Variants in MOGAT1 observed in about 807,000 individuals in gnomAD.
MOGAT1 encodes monoacylglycerol O-acyltransferase 1, also known as 2-acylglycerol O-acyltransferase 1.
Under a neutral mutation model 31.4 loss-of-function variants are expected in MOGAT1, and 32 were observed. The ratio of observed to expected loss-of-function variants is 1.02; its 90% CI spans 0.77 to 1.37. The LOEUF (loss-of-function observed/expected upper bound fraction) is 1.37, where lower values mean the gene tolerates loss of function less well. Among genes scored for constraint, MOGAT1 ranks in the 40% most tolerant of loss-of-function variants. The pLI, the probability that MOGAT1 is intolerant of heterozygous loss-of-function variation, is 0.00. For synonymous variants in MOGAT1, 145 were observed against 144.5 expected, an observed-to-expected ratio of 1.00 and a Z score of -0.03; for missense variants, 426 against 402.0, an observed-to-expected ratio of 1.06 and a Z score of -0.51.
intron 3 of MOGAT1, among the ~76,000 whole-genome samples, chr2:222,689,980 C>A (rs968846745): frequency 6.6e-6 from 1 of 152,222 alleles, no homozygotes; most frequent in African/African-American, 2.4e-5. Context: ...CCAGGCCGGG[C>A]GCGGTGGCTC....
At chr2:222,694,635 C>T in intron 4 of MOGAT1, 99 bp downstream of exon 4, 1 of 1,165,992 alleles carries the variant, frequency 8.6e-7, no homozygotes, top group Non-Finnish European at 1.2e-6. Context: ...TTAAAGACCT[C>T]CTCCAAATCG....
chr2:222,685,595 C>T (rs1013646211), intron 1 of MOGAT1, among the ~76,000 whole-genome samples: 2 of 134,954 alleles, frequency 1.5e-5, no homozygotes, highest in African/African-American at 5.9e-5. Context: ...TTTTCTTCTT[C>T]TTCTTTTTTT....
At chr2:222,675,511 A>C (rs951391038) in intron 1 of MOGAT1, among the ~76,000 whole-genome samples, 1 of 135,614 alleles carries the variant, frequency 7.4e-6, no homozygotes, top group Non-Finnish European at 1.5e-5. Flanking sequence ...ACGGAGTCTC[A>C]CTCTGTCGCC....
At position 222,688,428 on chromosome 2, in the gene MOGAT1, T is replaced by G; in HGVS notation, c.179T>G (p.Phe60Cys). Residue 60 changes from phenylalanine (F) to cysteine (C), a missense_variant, in exon 2 of 6, where the codon TTT (phenylalanine) becomes TGT (cysteine). Transcript: ENST00000446656. ...ATCCCTTATTTGATGTGGCTTTACT[T>G]TGACTGGCATACCCCAGAGCGAGGA... ...LYIPYLMWLY[F>C]DWHTPERGGR... The G allele has an allele frequency of 6.2e-7, 1 of 1,613,782 alleles. No homozygotes were observed. The highest frequency in any genetic ancestry group is 8.5e-7 in the Non-Finnish European group (1 of 1,179,796).
At chr2:222,696,051 T>C (rs80121005) in intron 5 of MOGAT1, among the ~76,000 whole-genome samples, 2 of 152,256 alleles carry the variant, frequency 1.3e-5, no homozygotes, top group Non-Finnish European at 2.9e-5. Context: ...TCACTTAGAA[T>C]AATGGTTTCC....
At chr2:222,689,110 T>C (rs755796747) in intron 2 of MOGAT1, among the ~76,000 whole-genome samples, 155 bp from the exon 3 acceptor site, 21 of 152,238 alleles carry the variant, frequency 1.4e-4, no homozygotes, top group Non-Finnish European at 2.4e-4. Context: ...GCTCAGAAGA[T>C]AGTTTAGAAA....
intron 1 of MOGAT1, among the ~76,000 whole-genome samples, chr2:222,681,698 C>A (rs765237279): frequency 1.3e-5 from 2 of 152,064 alleles, no homozygotes; most frequent in Non-Finnish European, 2.9e-5. Context: ...CTTAGTCTTT[C>A]AGTGACCAGC....
At chr2:222,707,488 C>T (rs1693023387) in intron 5 of MOGAT1, among the ~76,000 whole-genome samples, 1 of 152,082 alleles carries the variant, frequency 6.6e-6, no homozygotes, top group South Asian at 2.1e-4. Flanking sequence ...AAGTCACCTG[C>T]TCAGGGCACT....
chr2:222,709,520 G>A (rs1406557125), intron 5 of MOGAT1, among the ~76,000 whole-genome samples: 1 of 152,314 alleles, frequency 6.6e-6, no homozygotes, highest in Non-Finnish European at 1.5e-5. Context: ...CCAGGGTCCC[G>A]ACAATCCAGT....
intron 1 of MOGAT1, among the ~76,000 whole-genome samples, chr2:222,672,889 T>A (rs866219552): frequency 2.9e-5 from 4 of 139,224 alleles, no homozygotes; most frequent in Non-Finnish European, 4.6e-5. Context: ...CTGGAATTTG[T>A]TTATTATTAT....
intron 5 of MOGAT1, among the ~76,000 whole-genome samples, chr2:222,701,487 A>C (rs13002678): frequency 0.4 from 58,077 of 144,552 alleles, 12,027 homozygotes; most frequent in Middle Eastern, 0.49. Context: ...AAAGAAAGAA[A>C]GAGAGAGTGG....
chr2:222,704,139 A>G (rs540174607), intron 5 of MOGAT1, among the ~76,000 whole-genome samples: 36 of 152,306 alleles, frequency 2.4e-4, no homozygotes, highest in African/African-American at 8.4e-4. Flanking sequence ...CTTTTTTTCC[A>G]GGGCAAGGAA....
At chr2:222,706,327 C>G (rs1196909541) in intron 5 of MOGAT1, among the ~76,000 whole-genome samples, 1 of 151,920 alleles carries the variant, frequency 6.6e-6, no homozygotes, top group Non-Finnish European at 1.5e-5. Context: ...ACAAAAATTA[C>G]CCTGGCATGG....
chr2:222,709,471 A>AAG (rs1693079878), intron 5 of MOGAT1, among the ~76,000 whole-genome samples: 1 of 152,234 alleles, frequency 6.6e-6, no homozygotes, highest in African/African-American at 2.4e-5. Flanking sequence ...TCCCAGCTGC[A>AAG]GTCAGCACAG....
chr2:222,683,421 C>T (rs1488220958), intron 1 of MOGAT1, among the ~76,000 whole-genome samples: 1 of 133,938 alleles, frequency 7.5e-6, no homozygotes, highest in East Asian at 2.1e-4. Context: ...ATGTGAATTT[C>T]ACTTAAATTA....
intron 5 of MOGAT1, among the ~76,000 whole-genome samples, chr2:222,708,107 G>A (rs1403504573): frequency 2.0e-5 from 3 of 151,922 alleles, no homozygotes; most frequent in Admixed American, 6.6e-5. Context: ...GTTTTGAGAC[G>A]GAGTCTTGCT....
At chr2:222,675,576 T>C (rs1398701414) in intron 1 of MOGAT1, among the ~76,000 whole-genome samples, 2 of 148,388 alleles carry the variant, frequency 1.3e-5, no homozygotes, top group Non-Finnish European at 3.0e-5. Context: ...GCCTCCCGGG[T>C]TCATGCCATT....
intron 3 of MOGAT1, among the ~76,000 whole-genome samples, chr2:222,693,816 G>A (rs969079636): frequency 2.6e-5 from 4 of 152,142 alleles, no homozygotes; most frequent in African/African-American, 9.7e-5. Context: ...GATTTAGGTG[G>A]GGGCACAGTC....
chr2:222,699,645 C>T (rs6742111), intron 5 of MOGAT1, among the ~76,000 whole-genome samples: 66,426 of 151,468 alleles, frequency 0.44, 15,067 homozygotes, highest in Middle Eastern at 0.52. Flanking sequence ...TACAGCTGCC[C>T]GCCACCATGC....
Sources: gnomAD v4.1 joint callset for allele counts (sites outside exome capture counted in the v4.1 genomes callset) on GRCh38, gnomAD v4.1.1 for gene constraint, MANE v1.5 for transcripts, NCBI Gene and HGNC (gene_info 2026-07-23, HGNC 2026-07-21) for gene names.